PCDHGB1: variants seen among roughly 807,000 people sequenced by gnomAD.
PCDHGB1 encodes the protein protocadherin gamma-B1.
In PCDHGB1, 34 loss-of-function variants were observed where a neutral mutation model predicts 56.6. The ratio of observed to expected loss-of-function variants is 0.60; its 90% CI spans 0.46 to 0.80. The LOEUF is 0.80. Among genes scored for constraint, PCDHGB1 ranks in the 30% least tolerant of loss-of-function variants. The probability of loss-of-function intolerance (pLI) is 0.00; values close to 1 mark genes in which losing one functional copy is unlikely to be tolerated. For missense variants in PCDHGB1, 1,278 were observed against 1,204.6 expected (o/e 1.06, Z -0.90); for synonymous variants, 561 against 505.9 (o/e 1.11, Z -1.46).
chr5:141,431,513 C>G lies in PCDHGB1; in HGVS notation c.2410-63294C>G. ...TCAGCCCGAGTACCGCGCGAGCGTT[C>G]CGGAGAATCTGGCCTTGGGCACGCA... On this transcript the variant is annotated intron_variant, in intron 1 of 3. Transcript: ENST00000523390. The surrounding 1 kb of genome is among the most constrained non-coding windows in gnomAD (Gnocchi z 4.8). 6.2e-7 allele frequency: 1 copy of G among 1,614,022 alleles called. No homozygotes were observed. Among genetic ancestry groups the G allele is most frequent in the South Asian group, 1.1e-5 (1 of 91,088 alleles).
chr5:141,425,943 C>A (rs2096904576), intron 1 of PCDHGB1, among the ~76,000 whole-genome samples: 1 of 152,220 alleles, frequency 6.6e-6, no homozygotes, highest in Non-Finnish European at 1.5e-5. Flanking sequence ...TGTCTAGTTT[C>A]CTATACATTA....
chr5:141,502,955 T>C (rs2099817293), intron 2 of PCDHGB1, among the ~76,000 whole-genome samples: 1 of 149,868 alleles, frequency 6.7e-6, no homozygotes, highest in Non-Finnish European at 1.5e-5. Context: ...GCGATTCTCC[T>C]GCCTCAGCCT....
chr5:141,409,823 A>G, intron 1 of PCDHGB1: 2 of 1,610,784 alleles, frequency 1.2e-6, no homozygotes, highest in Non-Finnish European at 1.7e-6. Flanking sequence ...CGGCTCGCCC[A>G]CGCTCAGCGC....
chr5:141,361,065 G>A, intron 1 of PCDHGB1: 1 of 1,613,892 alleles, frequency 6.2e-7, no homozygotes, highest in Non-Finnish European at 8.5e-7. Flanking sequence ...TGGATTTTGA[G>A]ATTGCAAGTA....
chr5:141,366,104 G>T (rs1764329842), intron 1 of PCDHGB1: 1 of 1,614,250 alleles, frequency 6.2e-7, no homozygotes, highest in Non-Finnish European at 8.5e-7. Context: ...GACCAAGGTG[G>T]TAGCGGTGGA....
intron 1 of PCDHGB1, chr5:141,372,061 A>C: frequency 1.2e-6 from 2 of 1,613,572 alleles, no homozygotes; most frequent in Non-Finnish European, 1.7e-6. Context: ...GACGACCGCA[A>C]CGACAATGCA....
Position 141,351,740 on chromosome 5 carries a change from C to G in PCDHGB1, c.1480C>G (p.Pro494Ala). The G allele has an allele frequency of 6.2e-7, 1 of 1,613,690 alleles. No individual in the cohort carries two copies. The highest frequency in any genetic ancestry group is 8.5e-7 in the Non-Finnish European group (1 of 1,179,910). Residue 494 changes from proline (P) to alanine (A), a missense_variant, in exon 1 of 4, where the codon CCG (proline) becomes GCG (alanine). Physicochemically the swap from Pro to Ala is conservative, Grantham distance 27. Coordinates refer to ENST00000523390, the MANE Select transcript of PCDHGB1 (RefSeq NM_018922.3). ...SYSILASDLEPRELLSYVSVS... is the reference protein window; with the variant it reads ...SYSILASDLEARELLSYVSVS... ...CTCTATTCTGGCCAGTGACCTGGAG[C>G]CGCGGGAGCTGTTGTCCTACGTGTC... is the stretch of plus-strand genomic sequence containing the variant.
chr5:141,410,437 G>C, intron 1 of PCDHGB1: 1 of 1,614,040 alleles, frequency 6.2e-7, no homozygotes, highest in Non-Finnish European at 8.5e-7. Context: ...ACTACAGTGA[G>C]GGGACTTTGC....
intron 1 of PCDHGB1, chr5:141,422,303 A>AAAAC: frequency 6.5e-7 from 1 of 1,548,740 alleles, no homozygotes; most frequent in Non-Finnish European, 8.7e-7. Flanking sequence ...TCAATTCTGG[A>AAAAC]AAACTCTCCT....
At chr5:141,472,980 C>CAAAAAAAAAAAA (rs60579131) in intron 1 of PCDHGB1, among the ~76,000 whole-genome samples, 2 of 86,098 alleles carry the variant, frequency 2.3e-5, no homozygotes, top group African/African-American at 3.9e-5. Context: ...GAGTGAAACT[C>CAAAAAAAAAAAA]AAAAAAAAAA....
At chr5:141,399,183 T>A (rs777520935) in intron 1 of PCDHGB1, 4 of 1,613,764 alleles carry the variant, frequency 2.5e-6, no homozygotes, top group Non-Finnish European at 3.4e-6. Context: ...TTGAAATGAT[T>A]CTGGAAAACG....
At chr5:141,388,390 A>C (rs202036029) in intron 1 of PCDHGB1, 182 of 1,613,912 alleles carry the variant, frequency 1.1e-4, no homozygotes, top group Non-Finnish European at 1.4e-4. Context: ...ACACTGCAGA[A>C]TTACCAACTC....
At chr5:141,422,009 G>C (rs1483710075) in intron 1 of PCDHGB1, 1 of 1,609,752 alleles carries the variant, frequency 6.2e-7, no homozygotes, top group Non-Finnish European at 8.5e-7. Flanking sequence ...TCCGGAACTC[G>C]GGTGCTGATG....
chr5:141,475,820 C>T (rs890721743), intron 1 of PCDHGB1: 2 of 351,808 alleles, frequency 5.7e-6, no homozygotes, highest in African/African-American at 2.1e-5. Context: ...AAGTTCCTGG[C>T]GCTAGCGCGT....
chr5:141,421,842 A>G (rs1209505923), intron 1 of PCDHGB1: 1 of 1,613,744 alleles, frequency 6.2e-7, no homozygotes, highest in Non-Finnish European at 8.5e-7. Context: ...ACCGAGAGAA[A>G]GAGGCTGCTC....
At chr5:141,409,034 AACT>A in intron 1 of PCDHGB1, 6 of 1,613,992 alleles carry the variant, frequency 3.7e-6, no homozygotes, top group Non-Finnish European at 4.2e-6. Flanking sequence ...TGCTGAGATA[AACT>A]ACTACTTCCG....
At position 141,511,423 on chromosome 5, in the gene PCDHGB1, A is replaced by G. The variant is rs1301463531; in HGVS notation, c.*250A>G. On this transcript the variant is annotated 3_prime_UTR_variant, in exon 4 of 4. Transcript: ENST00000523390. ...AATCAACTGCTGTACCCATGGGGGTAGTGGGGTTACTGTAGACACCAAGAA... is the reference window on the plus strand; with the variant it reads ...AATCAACTGCTGTACCCATGGGGGTGGTGGGGTTACTGTAGACACCAAGAA... 15 of 818,384 alleles carry G rather than the reference A, an allele frequency of 1.8e-5. No homozygotes were observed. Among genetic ancestry groups the G allele is most frequent in the East Asian group, 3.0e-5 (1 of 33,874 alleles). 50.7% of individuals were successfully genotyped at this position (818,384 alleles called of 1,614,324 possible). A position where few individuals can be genotyped will look rare whatever the true frequency, so the allele number is the denominator to read the frequency against.
chr5:141,366,890 T>G, intron 1 of PCDHGB1: 1 of 1,249,604 alleles, frequency 8.0e-7, no homozygotes, highest in Non-Finnish European at 1.1e-6. Flanking sequence ...TTTTTTTATA[T>G]AATTCATGCT....
intron 1 of PCDHGB1, among the ~76,000 whole-genome samples, chr5:141,380,336 G>C (rs1221282125): frequency 6.6e-6 from 1 of 152,060 alleles, no homozygotes; most frequent in Non-Finnish European, 1.5e-5. Flanking sequence ...GAACTTCAAA[G>C]AACTGTTTTG....
Sources: allele counts gnomAD v4.1 joint callset (sites outside exome capture counted in the v4.1 genomes callset), GRCh38; gene constraint gnomAD v4.1.1; non-coding constraint Gnocchi (gnomAD v3.1); transcripts MANE v1.5; gene names NCBI Gene and HGNC (gene_info 2026-07-23, HGNC 2026-07-21).